The following PARD6G variants were observed in gnomAD, a reference collection of about 807,000 sequenced individuals.
PARD6G encodes the protein par-6 family cell polarity regulator gamma.
A neutral mutation model predicts 10.7 loss-of-function variants in PARD6G; 7 were observed. That is an observed-to-expected ratio of 0.66 (90% confidence interval 0.37 to 1.23). PARD6G has a LOEUF of 1.23. Ranked by LOEUF, PARD6G falls within the 50% of genes most tolerant of loss-of-function variation. The probability of loss-of-function intolerance (pLI) is 0.02; values close to 1 mark genes in which losing one functional copy is unlikely to be tolerated. For missense variants in PARD6G, 548 were observed against 571.8 expected (o/e 0.96, Z 0.42); for synonymous variants, 287 against 269.4 (o/e 1.07, Z -0.64).
rs200614747 is a variant in PARD6G at position 80,160,089 on chromosome 18, G to A, written c.813C>T (p.Asp271=). The A allele has an allele frequency of 6.9e-6, 11 of 1,597,998 alleles. No individual in the cohort carries two copies. Among genetic ancestry groups the A allele is most frequent in the African/African-American group, 6.7e-5 (5 of 74,728 alleles). Residue 271 remains aspartate, a synonymous_variant, in exon 3 of 3, where the codon GAC becomes GAT. Transcript: ENST00000353265. ...GGGGACCCACGAAGCCCGCGGTGCC[G>A]TCCGAGGGCGGTCCCGAGCTGCCCA... ...RALGSSGPPS[D]GTAGFVGPPA... is the part of the protein sequence containing the mutation.
chr18:80,181,828 G>A lies in PARD6G; in HGVS notation c.295+20882C>T, dbSNP rs900607202. Among the ~76,000 whole-genome samples the A allele has an allele frequency of 2.2e-4, 33 of 152,110 alleles. No individual in the cohort carries two copies. Among genetic ancestry groups the A allele is most frequent in the African/African-American group, 7.5e-4 (31 of 41,422 alleles). ...GTGTGGGGACAGGCAGCTGGATGAA[G>A]CACCTCAGAGATCCACTGCCCAAGG... On this transcript the variant is annotated intron_variant, in intron 2 of 2. Transcript: ENST00000353265. This position sits in a 1 kb window ranked among gnomAD's most constrained non-coding sequence, Gnocchi z 7.9.
At position 80,159,024 on chromosome 18, in the gene PARD6G, T is replaced by TA. The variant is rs1568423289; in HGVS notation, c.*746_*747insT. On this transcript the variant is annotated 3_prime_UTR_variant, in exon 3 of 3. Coordinates refer to ENST00000353265, the MANE Select transcript of PARD6G (RefSeq NM_032510.4). ...TTTTTCCCGAGACAGAGTCTTGCTCTGTCACCCAGGCTGGAGTGCAGTGGT... is the reference window on the plus strand; with the variant it reads ...TTTTTCCCGAGACAGAGTCTTGCTCTAGTCACCCAGGCTGGAGTGCAGTGGT... 1.3e-5 allele frequency: 2 copies of TA among 151,200 alleles called. No individual in the cohort carries two copies. The highest frequency in any genetic ancestry group is 6.6e-5 in the Admixed American group (1 of 15,180). 9.4% of individuals were successfully genotyped at this position (151,200 alleles called of 1,614,324 possible).
chr18:80,185,635 C>T (rs2052870036), intron 2 of PARD6G, among the ~76,000 whole-genome samples: 1 of 151,828 alleles, frequency 6.6e-6, no homozygotes, highest in African/African-American at 2.4e-5. Context: ...CACATGCACC[C>T]TCACACACGC....
At chr18:80,239,491 TTA>T (rs1421139107) in intron 1 of PARD6G, among the ~76,000 whole-genome samples, 1 of 152,172 alleles carries the variant, frequency 6.6e-6, no homozygotes, top group Non-Finnish European at 1.5e-5. Context: ...TTAGGAAAGT[TTA>T]TGAGTTTGTG....
At chr18:80,174,445 G>C (rs1487075757) in intron 2 of PARD6G, among the ~76,000 whole-genome samples, 1 of 152,046 alleles carries the variant, frequency 6.6e-6, no homozygotes, top group Non-Finnish European at 1.5e-5. Context: ...TGGGATTACA[G>C]GCATGAACCA....
intron 1 of PARD6G, among the ~76,000 whole-genome samples, chr18:80,209,208 G>A (rs918842963): frequency 3.3e-5 from 5 of 151,956 alleles, no homozygotes; most frequent in Non-Finnish European, 5.9e-5. Context: ...CCATGGTTCC[G>A]AGGCAAAATG....
chr18:80,207,637 T>C (rs1343938026), intron 1 of PARD6G, among the ~76,000 whole-genome samples: 2 of 152,220 alleles, frequency 1.3e-5, no homozygotes, highest in Non-Finnish European at 2.9e-5. Context: ...CCATATTAGC[T>C]CTTTTTAAGT....
intron 1 of PARD6G, among the ~76,000 whole-genome samples, chr18:80,230,118 AC>A (rs879819145): frequency 4.6e-5 from 7 of 152,184 alleles, no homozygotes; most frequent in Non-Finnish European, 8.8e-5. Flanking sequence ...CTCGCCTTAG[AC>A]TGTCAGAGCC....
At chr18:80,243,418 C>T (rs1967510337) in intron 1 of PARD6G, among the ~76,000 whole-genome samples, 1 of 152,120 alleles carries the variant, frequency 6.6e-6, no homozygotes, top group Non-Finnish European at 1.5e-5. Context: ...GACCGGAAGG[C>T]CAGAGGCAAC....
chr18:80,210,360 A>C (rs567648445), intron 1 of PARD6G, among the ~76,000 whole-genome samples: 1 of 152,352 alleles, frequency 6.6e-6, no homozygotes, highest in South Asian at 2.1e-4. Context: ...TTATTCTAGA[A>C]AAGCAGCTGA....
intron 2 of PARD6G, among the ~76,000 whole-genome samples, chr18:80,173,414 C>G (rs974358792): frequency 1.3e-5 from 2 of 152,100 alleles, no homozygotes; most frequent in African/African-American, 4.8e-5. Flanking sequence ...CATTTGAGGT[C>G]AGGCGTTTGA....
Position 80,181,793 on chromosome 18 carries a change from T to C in PARD6G, c.295+20917A>G, listed in dbSNP as rs778766133. Among the ~76,000 whole-genome samples the C allele has an allele frequency of 1.3e-5, 2 of 152,130 alleles. No individual in the cohort carries two copies. The highest frequency in any genetic ancestry group is 2.9e-5 in the Non-Finnish European group (2 of 68,026). ...CCATTCCTCGCGTCCTCTCCCCCTG[T>C]GCAGAGCATGTGTGGGGACAGGCAG... is the stretch of plus-strand genomic sequence containing the variant. On this transcript the variant is annotated intron_variant, in intron 2 of 2. Coordinates refer to ENST00000353265, the MANE Select transcript of PARD6G (RefSeq NM_032510.4). This position sits in a 1 kb window ranked among gnomAD's most constrained non-coding sequence, Gnocchi z 7.9.
At chr18:80,214,449 G>A (rs1009024369) in intron 1 of PARD6G, among the ~76,000 whole-genome samples, 1 of 151,926 alleles carries the variant, frequency 6.6e-6, no homozygotes, top group African/African-American at 2.4e-5. Flanking sequence ...CTGGGAAACA[G>A]AGCGAGACTA....
intron 1 of PARD6G, among the ~76,000 whole-genome samples, chr18:80,216,002 A>C (rs1967161673): frequency 6.6e-6 from 1 of 152,130 alleles, no homozygotes; most frequent in Non-Finnish European, 1.5e-5. Flanking sequence ...GACAAAATAG[A>C]CTTTAATGCA....
chr18:80,163,650 G>A (rs1448315946), intron 2 of PARD6G, among the ~76,000 whole-genome samples: 1 of 152,226 alleles, frequency 6.6e-6, no homozygotes, highest in Non-Finnish European at 1.5e-5. Flanking sequence ...TGGCCGTGGT[G>A]CACGGTGGAC....
At chr18:80,206,190 T>C (rs776600378) in intron 1 of PARD6G, among the ~76,000 whole-genome samples, 1 of 152,232 alleles carries the variant, frequency 6.6e-6, no homozygotes, top group Non-Finnish European at 1.5e-5. Context: ...TTGATTTGTG[T>C]TTAATGATGA....
intron 1 of PARD6G, among the ~76,000 whole-genome samples, chr18:80,243,166 A>G (rs1967507938): frequency 6.6e-6 from 1 of 152,176 alleles, no homozygotes; most frequent in South Asian, 2.1e-4. Flanking sequence ...AGACTTAAAG[A>G]TATTATTTAC....
At position 80,244,722 on chromosome 18, in the gene PARD6G, T is replaced by G. The variant is rs753516988; in HGVS notation, c.72+2555A>C. 4.6e-5 allele frequency among the ~76,000 whole-genome samples: 7 copies of G among 152,208 alleles called. No individual in the cohort carries two copies. In the South Asian group the frequency reaches 1.4e-3, roughly 32 times the overall value. On this transcript the variant is annotated intron_variant, in intron 1 of 2. Transcript: ENST00000353265. ...ATGCAGTAGGTGGCAGAACCCAGGC[T>G]GGACTCAGCTCCCCAGACGCCATTT...
chr18:80,216,981 A>G (rs1419158103), intron 1 of PARD6G, among the ~76,000 whole-genome samples: 1 of 152,158 alleles, frequency 6.6e-6, no homozygotes, highest in Non-Finnish European at 1.5e-5. Flanking sequence ...AGCAATGATC[A>G]CACCTAGCAT....
Sources: gnomAD v4.1 joint callset for allele counts (sites outside exome capture counted in the v4.1 genomes callset) on GRCh38, gnomAD v4.1.1 for gene constraint, Gnocchi (gnomAD v3.1) non-coding constraint, MANE v1.5 for transcripts, NCBI Gene and HGNC (gene_info 2026-07-23, HGNC 2026-07-21) for gene names.